FGD3: variants seen among roughly 807,000 people sequenced by gnomAD.
FGD3 encodes FYVE, RhoGEF and PH domain-containing protein 3.
Under a neutral mutation model 71.8 loss-of-function variants are expected in FGD3, and 45 were observed. That is an observed-to-expected ratio of 0.63 (90% CI 0.49 to 0.80). FGD3 has a LOEUF of 0.80. FGD3 is among the 30% of genes least tolerant of loss of function. The pLI, the probability that FGD3 is intolerant of heterozygous loss-of-function variation, is 0.00. For missense variants in FGD3, 844 were observed against 951.5 expected, an observed-to-expected ratio of 0.89 and a Z score of 1.49; for synonymous variants, 378 against 392.8, an observed-to-expected ratio of 0.96 and a Z score of 0.44.
rs1300964481 is a variant in FGD3, at chr9:93,020,381, C to T, written c.1451C>T (p.Ala484Val). Residue 484 changes from alanine (A) to valine (V), a missense_variant, in exon 13 of 18, where the codon GCC becomes GTC. Physicochemically the swap from Ala to Val is moderately conservative, Grantham distance 64. Coordinates refer to ENST00000375482, the MANE Select transcript of FGD3 (RefSeq NM_001083536.2). ...NSETFKAFGG[A>V]FSQDEDPSLS... ...GAAACCTTCAAGGCTTTTGGTGGCG[C>T]CTTCAGCCAGGATGAGGACCCCAGC... 4 of 1,613,562 alleles carry T rather than the reference C, an allele frequency of 2.5e-6. No homozygotes were observed. The Admixed American group carries it at 5.0e-5, about 20-fold the overall frequency.
chr9:93,004,797 C>T lies in FGD3; in HGVS notation c.680+660C>T, dbSNP rs570663655. ...CTGGCCCTTCTGTGTCCCACCAGCC[C>T]GTTCTCCAAGCTGCAACCCAGGAGA... On this transcript the variant is annotated intron_variant, in intron 5 of 17. Transcript: ENST00000375482. Among the ~76,000 whole-genome samples the T allele has an allele frequency of 5.9e-5, 9 of 152,294 alleles. No individual in the cohort carries two copies. In the East Asian group the frequency reaches 1.2e-3, roughly 20 times the overall value.
chr9:93,022,921 C>T (rs1431048282), intron 14 of FGD3, among the ~76,000 whole-genome samples: 1 of 152,144 alleles, frequency 6.6e-6, no homozygotes, highest in African/African-American at 2.4e-5. Context: ...AAGGGTGCTG[C>T]TCCGGCCAGG....
At chr9:93,020,775 G>A (rs976245587) in intron 13 of FGD3, among the ~76,000 whole-genome samples, 2 of 152,284 alleles carry the variant, frequency 1.3e-5, no homozygotes, top group South Asian at 2.1e-4. Flanking sequence ...TTACAGTTCC[G>A]CGTTTGCCTT....
chr9:92,983,052 C>A (rs554561748), intron 3 of FGD3, among the ~76,000 whole-genome samples: 1 of 151,748 alleles, frequency 6.6e-6, no homozygotes, highest in South Asian at 2.1e-4. Flanking sequence ...TACCACTGTA[C>A]CCCAACCTGA....
chr9:93,002,761 C>T (rs1457066909), intron 3 of FGD3, among the ~76,000 whole-genome samples, 164 bp from the exon 4 acceptor site: 1 of 152,212 alleles, frequency 6.6e-6, no homozygotes, highest in Non-Finnish European at 1.5e-5. Context: ...GAGAACTGAG[C>T]ACCACATCGC....
intron 3 of FGD3, among the ~76,000 whole-genome samples, chr9:92,995,237 T>C (rs1365360138): frequency 2.0e-5 from 3 of 152,190 alleles, no homozygotes; most frequent in Admixed American, 6.6e-5. Context: ...TTTGAAGCAA[T>C]TGTGAATGGG....
At chr9:92,987,179 T>C (rs538519449) in intron 3 of FGD3, among the ~76,000 whole-genome samples, 5 of 152,272 alleles carry the variant, frequency 3.3e-5, no homozygotes, top group Non-Finnish European at 7.4e-5. Context: ...ACGCCTGTAA[T>C]GCCAGCACTT....
Position 92,977,004 on chromosome 9 carries a change from G to A in FGD3, c.453+295G>A, listed in dbSNP as rs564390476. ...CGACCCTGGGAAGGTATGATGGTCA[G>A]TCCTACTGGTGGTGCTGCCAAAGCT... On this transcript the variant is annotated intron_variant, in intron 3 of 17. Coordinates refer to ENST00000375482, the MANE Select transcript of FGD3 (RefSeq NM_001083536.2). Among the ~76,000 whole-genome samples, 8 of 152,352 alleles carry A rather than the reference G, an allele frequency of 5.3e-5. No individual in the cohort carries two copies. The East Asian group carries it at 1.5e-3, about 29-fold the overall frequency.
chr9:92,978,048 C>T (rs950701564), intron 3 of FGD3, among the ~76,000 whole-genome samples: 1 of 152,214 alleles, frequency 6.6e-6, no homozygotes, highest in Non-Finnish European at 1.5e-5. Context: ...TTTGGGAGGC[C>T]GAGGTGGGTG....
intron 8 of FGD3, among the ~76,000 whole-genome samples, chr9:93,012,199 A>G (rs1348352349): frequency 6.6e-6 from 1 of 152,082 alleles, no homozygotes; most frequent in Non-Finnish European, 1.5e-5. Flanking sequence ...GGGGAAAAAA[A>G]GGAATTTCCT....
chr9:93,021,903 G>A (rs1861931611), intron 13 of FGD3, among the ~76,000 whole-genome samples: 1 of 152,212 alleles, frequency 6.6e-6, no homozygotes, highest in Non-Finnish European at 1.5e-5. Flanking sequence ...CTTAAGTCTG[G>A]CCAAGCCCTT....
intron 1 of FGD3, among the ~76,000 whole-genome samples, chr9:92,967,197 A>G (rs1335142429): frequency 6.6e-6 from 1 of 152,136 alleles, no homozygotes; most frequent in Non-Finnish European, 1.5e-5. Context: ...TCCTGACCTC[A>G]GGTGATCCAT....
chr9:92,979,815 C>T (rs1184986288), intron 3 of FGD3, among the ~76,000 whole-genome samples: 1 of 152,168 alleles, frequency 6.6e-6, no homozygotes, highest in African/African-American at 2.4e-5. Flanking sequence ...TCTATTTCTT[C>T]ATGATTCAGT....
chr9:93,020,727 A>T, intron 13 of FGD3: 1 of 328,890 alleles, frequency 3.0e-6, no homozygotes. Context: ...ATTTATGGAC[A>T]GAAAAAGGAA....
At position 93,011,285 on chromosome 9, in the gene FGD3, C is replaced by G. The variant is rs1304959776; in HGVS notation, c.1035+13C>G. 6.2e-7 allele frequency: 1 copy of G among 1,614,124 alleles called. No individual in the cohort carries two copies. Among genetic ancestry groups the G allele is most frequent in the Admixed American group, 1.7e-5 (1 of 60,016 alleles). The stretch of plus-strand genomic sequence containing the variant: ...CATTCGGAAAGTGGTGAGTGTGGGG[C>G]TCCAGTGGCGACCGGCAGGGTGGTG... On this transcript the variant is annotated intron_variant, in intron 8 of 17. Transcript: ENST00000375482.
intron 8 of FGD3, among the ~76,000 whole-genome samples, chr9:93,012,193 A>G (rs911292664): frequency 1.3e-5 from 2 of 151,798 alleles, no homozygotes; most frequent in African/African-American, 2.4e-5. Context: ...AACCAGGGGG[A>G]AAAAAAGGAA....
intron 3 of FGD3, 45 bp from the exon 4 acceptor site, chr9:93,002,880 C>T (rs775589069): frequency 6.3e-7 from 1 of 1,594,996 alleles, no homozygotes; most frequent in Non-Finnish European, 8.6e-7. Flanking sequence ...GCCGATTCCC[C>T]AAGGCTCATC....
intron 10 of FGD3, among the ~76,000 whole-genome samples, chr9:93,017,197 G>A (rs10992579): frequency 0.069 from 10,444 of 152,156 alleles, 570 homozygotes; most frequent in African/African-American, 0.15. Context: ...GAGCCCAGGA[G>A]GTCAAGGCTG....
At chr9:92,991,552 G>A (rs977480397) in intron 3 of FGD3, among the ~76,000 whole-genome samples, 6 of 152,150 alleles carry the variant, frequency 3.9e-5, no homozygotes, top group Non-Finnish European at 8.8e-5. Flanking sequence ...AAAATTCTGA[G>A]GCTTGTTTTG....
Sources: gnomAD v4.1 joint callset for allele counts (sites outside exome capture counted in the v4.1 genomes callset) on GRCh38, gnomAD v4.1.1 for gene constraint, MANE v1.5 for transcripts, NCBI Gene and HGNC (gene_info 2026-07-23, HGNC 2026-07-21) for gene names.